Variants in NUP58 observed in about 807,000 individuals in gnomAD.
NUP58 encodes nucleoporin 58.
A neutral mutation model predicts 70.1 loss-of-function variants in NUP58; 17 were observed. That is an observed-to-expected ratio of 0.24 (90% CI 0.17 to 0.36). NUP58 has a LOEUF of 0.36. Among genes scored for constraint, NUP58 ranks in the 10% least tolerant of loss-of-function variants. NUP58 has a pLI of 1.00. For synonymous variants in NUP58, 275 were observed against 257.6 expected, an observed-to-expected ratio of 1.07 and a Z score of -0.65; for missense variants, 644 against 701.5, an observed-to-expected ratio of 0.92 and a Z score of 0.93.
chr13:25,331,214 G>A (rs780382852), intron 12 of NUP58, 143 bp from the exon 13 acceptor site: 1 of 713,386 alleles, frequency 1.4e-6, no homozygotes. Flanking sequence ...ACACCAAAGT[G>A]CATTATTAGC....
rs765282755 is a variant in NUP58, at chr13:25,307,865, C to T, written c.167C>T (p.Thr56Ile). ...GGAAGTACTTCAACTCCAGCAACTA[C>T]ATCTGCTCCTTCAAGTGGTTTTGGA... The part of the protein sequence containing the change: ...NLGSTSTPAT[T>I]SAPSSGFGTG... The change falls in exon 2 of 16, where the codon ACA becomes ATA. Residue 56 changes from threonine to isoleucine, a missense_variant. Thr to Ile is a moderately conservative substitution (Grantham distance 89). Around this residue, in one of 4 missense-constraint regions of NUP58, gnomAD observed 430 missense variants for 409.2 expected, o/e 1.05. Transcript: ENST00000381736. 2.5e-6 allele frequency: 4 copies of T among 1,614,160 alleles called. No individual in the cohort carries two copies. The highest frequency in any genetic ancestry group is 3.4e-6 in the Non-Finnish European group (4 of 1,180,006).
intron 12 of NUP58, among the ~76,000 whole-genome samples, chr13:25,327,897 A>G (rs1011259513): frequency 6.6e-6 from 1 of 151,984 alleles, no homozygotes; most frequent in Non-Finnish European, 1.5e-5. Flanking sequence ...TATAAATAGC[A>G]CTATAGAAAA....
intron 13 of NUP58, chr13:25,334,179 T>C: frequency 2.0e-6 from 2 of 985,412 alleles, no homozygotes; most frequent in Non-Finnish European, 2.4e-6. Context: ...GTGGATAACG[T>C]AGTTCCATGT....
At chr13:25,310,141 C>T in intron 3 of NUP58, 1 of 198,256 alleles carries the variant, frequency 5.0e-6, no homozygotes, top group South Asian at 6.4e-5. Flanking sequence ...CTCTTGGGCT[C>T]AAGCGATCTT....
At chr13:25,337,580 C>G (rs117845434) in intron 14 of NUP58, among the ~76,000 whole-genome samples, 2 of 152,066 alleles carry the variant, frequency 1.3e-5, no homozygotes, top group East Asian at 3.8e-4. Context: ...TAAGGTAAGT[C>G]CTCTGCAAAA....
chr13:25,309,760 C>A (rs560848699), intron 3 of NUP58, among the ~76,000 whole-genome samples: 1 of 152,070 alleles, frequency 6.6e-6, no homozygotes, highest in African/African-American at 2.4e-5. Flanking sequence ...GGGTTTCAGC[C>A]AGCTTTCAAT....
At chr13:25,336,869 T>A in intron 13 of NUP58, 67 bp from the exon 14 acceptor site, 2 of 948,700 alleles carry the variant, frequency 2.1e-6, no homozygotes, top group Non-Finnish European at 3.2e-6. Context: ...TAAAGAATCT[T>A]TAATCTTGAA....
chr13:25,348,295 A>T (rs2032072638), intron 3 of NUP58, among the ~76,000 whole-genome samples: 1 of 152,224 alleles, frequency 6.6e-6, no homozygotes, highest in East Asian at 1.9e-4. Context: ...CAAATTGAAA[A>T]TTCTTTAGGT....
At chr13:25,344,071 A>G (rs2032019687), downstream of NUP58, among the ~76,000 whole-genome samples, 1 of 152,032 alleles carries the variant, frequency 6.6e-6, no homozygotes, top group Non-Finnish European at 1.5e-5. Context: ...ATCCCAGTTA[A>G]TTGTAATCCT....
In NUP58 at chr13:25,320,977, G is replaced by A; in HGVS notation, c.835G>A (p.Ala279Thr). The A allele has an allele frequency of 2.5e-6, 4 of 1,590,394 alleles. No individual in the cohort carries two copies. The highest frequency in any genetic ancestry group is 3.4e-6 in the Non-Finnish European group (4 of 1,173,330). The change falls in exon 9 of 16, where the codon GCA becomes ACA. Residue 279 changes from alanine (A) to threonine (T), a missense_variant. By Grantham distance (58) the Ala-to-Thr change is moderately conservative. Transcript: ENST00000381736. ...AGAAATTAGTAGAATGTCTTCAAAA[G>A]CAATGCTTAAGGTACAAGAAGATAT... ...QEEISRMSSK[A>T]MLKVQEDIKA...
intron 12 of NUP58, among the ~76,000 whole-genome samples, chr13:25,328,881 A>G (rs901036331): frequency 2.0e-5 from 3 of 152,234 alleles, no homozygotes; most frequent in African/African-American, 7.2e-5. Flanking sequence ...TAAATTATCA[A>G]CTGTGTAGAA....
intron 12 of NUP58, among the ~76,000 whole-genome samples, chr13:25,329,417 C>T (rs896564848): frequency 7.2e-5 from 11 of 152,080 alleles, no homozygotes; most frequent in African/African-American, 2.7e-4. Context: ...GAAAATATAT[C>T]ATTTTTGGTA....
chr13:25,309,692 A>C (rs1446348257), intron 3 of NUP58, among the ~76,000 whole-genome samples: 1 of 152,220 alleles, frequency 6.6e-6, no homozygotes, highest in Non-Finnish European at 1.5e-5. Context: ...TATTGAACTA[A>C]TATCCAAAGA....
intron 1 of NUP58, among the ~76,000 whole-genome samples, chr13:25,304,488 A>ATATATATATATG (rs2030199267): frequency 1.3e-5 from 1 of 75,088 alleles, no homozygotes; most frequent in African/African-American, 4.4e-5. Flanking sequence ...TTATATATAT[A>ATATATATATATG]TATATATATA....
intron 1 of NUP58, among the ~76,000 whole-genome samples, chr13:25,302,771 C>T (rs893576649): frequency 1.3e-5 from 2 of 152,124 alleles, no homozygotes; most frequent in African/African-American, 4.8e-5. Flanking sequence ...TAAGCATGAC[C>T]TGCAGTTTAA....
chr13:25,309,860 GGAAAA>G (rs145924681), intron 3 of NUP58: 5,081 of 192,650 alleles, frequency 0.026, 275 homozygotes, highest in East Asian at 0.13. Flanking sequence ...TTAAAGGAAA[GGAAAA>G]GGAAATGAAA....
At position 25,327,485 on chromosome 13, in the gene NUP58, A is replaced by T; in HGVS notation, c.1206A>T (p.Gln402His). ...IYQTFVALAA[Q>H]LQSIHENVKV... ...AAACATTTGTAGCTTTAGCGGCACAACTTCAGTCTATTCATGAAAATGTAA... is the reference window on the plus strand; with the variant it reads ...AAACATTTGTAGCTTTAGCGGCACATCTTCAGTCTATTCATGAAAATGTAA... The change falls in exon 12 of 16, where the codon CAA becomes CAT. Residue 402 changes from glutamine (Q) to histidine (H), a missense_variant. This residue lies in a region of NUP58 where 78 missense variants were observed against 71.3 expected (regional missense o/e 1.09). Transcript: ENST00000381736. 2 of 1,610,646 alleles carry T rather than the reference A, an allele frequency of 1.2e-6. No homozygotes were observed. The highest frequency in any genetic ancestry group is 1.7e-6 in the Non-Finnish European group (2 of 1,178,256).
chr13:25,344,398 ATAGTGTAAC>A (rs2032025175), downstream of NUP58, among the ~76,000 whole-genome samples: 1 of 152,196 alleles, frequency 6.6e-6, no homozygotes, highest in Admixed American at 6.5e-5. Context: ...AAGCATTTGG[ATAGTGTAAC>A]CCCTGACACC....
intron 1 of NUP58, among the ~76,000 whole-genome samples, chr13:25,307,335 C>T (rs1187287716): frequency 6.6e-6 from 1 of 151,456 alleles, no homozygotes; most frequent in Non-Finnish European, 1.5e-5. Flanking sequence ...GCCTCAGCCT[C>T]CTGAGTAGCT....
Sources: allele counts gnomAD v4.1 joint callset (sites outside exome capture counted in the v4.1 genomes callset), GRCh38; gene constraint gnomAD v4.1.1; regional missense constraint gnomAD v4.1.1; transcripts MANE v1.5; gene names NCBI Gene and HGNC (gene_info 2026-07-23, HGNC 2026-07-21).